PDE8B: variants seen among roughly 807,000 people sequenced by gnomAD.
PDE8B encodes high affinity cAMP-specific and IBMX-insensitive 3',5'-cyclic phosphodiesterase 8B.
Under a neutral mutation model 101.3 loss-of-function variants are expected in PDE8B, and 26 were observed. The ratio of observed to expected loss-of-function variants is 0.26; its 90% CI spans 0.19 to 0.36. PDE8B has a LOEUF of 0.36. PDE8B is among the 10% of genes least tolerant of loss of function. PDE8B has a pLI of 1.00. For missense variants in PDE8B, 810 were observed against 1,163.1 expected, an observed-to-expected ratio of 0.70 and a Z score of 4.42; for synonymous variants, 424 against 429.3, an observed-to-expected ratio of 0.99 and a Z score of 0.15.
In PDE8B at chr5:77,404,781, A is replaced by C; in HGVS notation, c.1272A>C (p.Ser424=). 6.3e-7 allele frequency: 1 copy of C among 1,596,424 alleles called. No homozygotes were observed. Among genetic ancestry groups the C allele is most frequent in the Non-Finnish European group, 8.6e-7 (1 of 1,164,032 alleles). Residue 424 remains serine (S), a synonymous_variant, in exon 12 of 22, where the codon TCA becomes TCC. Coordinates refer to ENST00000264917, the MANE Select transcript of PDE8B (RefSeq NM_003719.5). ...RKESIDVKSI[S]SRGSDAPSLQ... is the part of the protein sequence containing the mutation. Reference sequence around the variant, plus strand: ...AGTCCATTGACGTGAAATCGATATCATCTCGAGGCAGTGATGGTAAGATGT... The same window carrying C: ...AGTCCATTGACGTGAAATCGATATCCTCTCGAGGCAGTGATGGTAAGATGT...
chr5:77,352,407 C>T (rs116277670), intron 9 of PDE8B, among the ~76,000 whole-genome samples: 78 of 152,342 alleles, frequency 5.1e-4, no homozygotes, highest in African/African-American at 1.8e-3. Context: ...CTGGTAATTT[C>T]CAACAGAATA....
chr5:77,105,615 A>T, the PDE8B span: 1 of 152,212 alleles, frequency 6.6e-6, no homozygotes, highest in Non-Finnish European at 1.5e-5. Flanking sequence ...GAACATCTGT[A>T]TACAAGTCTT....
At chr5:77,221,816 C>T (rs1255720049) in intron 1 of PDE8B, among the ~76,000 whole-genome samples, 1 of 152,090 alleles carries the variant, frequency 6.6e-6, no homozygotes, top group Non-Finnish European at 1.5e-5. Flanking sequence ...CTTAGACTGC[C>T]CAGTTTTGAC....
chr5:77,377,621 T>C (rs1786397409), intron 10 of PDE8B, among the ~76,000 whole-genome samples: 1 of 152,228 alleles, frequency 6.6e-6, no homozygotes. Context: ...TCAGATCCTT[T>C]AAAACAGTAA....
At chr5:77,412,870 A>G (rs1374238516) in intron 16 of PDE8B, among the ~76,000 whole-genome samples, 1 of 152,166 alleles carries the variant, frequency 6.6e-6, no homozygotes. Flanking sequence ...TGAGGGGCCT[A>G]TGATTTAGAG....
chr5:77,117,977 T>C, the PDE8B span, among the ~76,000 whole-genome samples: 67,744 of 151,910 alleles, frequency 0.45, 15,513 homozygotes, highest in African/African-American at 0.5. Flanking sequence ...CTCTGTCCCT[T>C]AGGCTGGAGT....
chr5:77,290,760 G>A (rs547206232), intron 1 of PDE8B: 85 of 1,488,980 alleles, frequency 5.7e-5, no homozygotes, highest in Non-Finnish European at 7.1e-5. Context: ...AATCATCACG[G>A]CATTCAATTT....
In PDE8B at chr5:77,411,656, AG is replaced by A. The variant is rs1163356515; in HGVS notation, c.1531-18del. The stretch of plus-strand genomic sequence containing the variant: ...AATAGATATAAAGCATGCTTCTAAC[AG>A]GCTCTTCCTTTATTCCAGGACGGCT... On this transcript the variant is annotated intron_variant, in intron 14 of 21. Coordinates refer to ENST00000264917, the MANE Select transcript of PDE8B (RefSeq NM_003719.5). 1 of 1,595,724 alleles carries A rather than the reference AG, an allele frequency of 6.3e-7. No individual in the cohort carries two copies. Among genetic ancestry groups the A allele is most frequent in the Non-Finnish European group, 8.6e-7 (1 of 1,163,456 alleles).
chr5:77,098,123 T>C, the PDE8B span, among the ~76,000 whole-genome samples: 1 of 152,064 alleles, frequency 6.6e-6, no homozygotes, highest in Non-Finnish European at 1.5e-5. Flanking sequence ...AAGAAACGTA[T>C]GTCAAAATAA....
At chr5:77,330,056 C>T (rs1376109137) in intron 4 of PDE8B, among the ~76,000 whole-genome samples, 1 of 152,200 alleles carries the variant, frequency 6.6e-6, no homozygotes, top group Non-Finnish European at 1.5e-5. Flanking sequence ...ACATTGTCCT[C>T]ACTGGTTCAT....
At chr5:77,334,023 C>T (rs1198592610) in intron 5 of PDE8B, among the ~76,000 whole-genome samples, 1 of 152,238 alleles carries the variant, frequency 6.6e-6, no homozygotes, top group East Asian at 1.9e-4. Context: ...GCACCTACAA[C>T]AGCTCTCCTG....
chr5:77,091,126 T>C, the PDE8B span, among the ~76,000 whole-genome samples: 24 of 152,224 alleles, frequency 1.6e-4, no homozygotes, highest in African/African-American at 5.8e-4. Context: ...TGTGAGGTGA[T>C]GTCATTTTGA....
upstream of PDE8B, chr5:77,210,664 G>A (rs2149368713): frequency 1.0e-6 from 1 of 981,158 alleles, no homozygotes; most frequent in South Asian, 4.7e-5. This position sits in a 1 kb window ranked among gnomAD's most constrained non-coding sequence, Gnocchi z 4.9. Flanking sequence ...GCGGCCGCTG[G>A]TGCGCGCGGG....
chr5:77,171,846 T>C, the PDE8B span, among the ~76,000 whole-genome samples: 1 of 152,206 alleles, frequency 6.6e-6, no homozygotes, highest in Non-Finnish European at 1.5e-5. Flanking sequence ...TTTCATTGGC[T>C]GAACCTGACT....
At chr5:77,391,266 C>G (rs1789845939) in intron 10 of PDE8B, among the ~76,000 whole-genome samples, 1 of 152,188 alleles carries the variant, frequency 6.6e-6, no homozygotes, top group East Asian at 1.9e-4. Flanking sequence ...GAGTCAGCTT[C>G]AGTGAAAACC....
At chr5:77,341,779 A>G (rs1321151741) in intron 6 of PDE8B, among the ~76,000 whole-genome samples, 1 of 152,230 alleles carries the variant, frequency 6.6e-6, no homozygotes, top group African/African-American at 2.4e-5. Context: ...CAAATTTGGT[A>G]GCAGTTTTAA....
intron 10 of PDE8B, among the ~76,000 whole-genome samples, chr5:77,376,157 T>A (rs1255338204): frequency 6.6e-6 from 1 of 152,180 alleles, no homozygotes; most frequent in Non-Finnish European, 1.5e-5. Context: ...TTTCCTAGGA[T>A]TTCTTCACAG....
chr5:77,254,747 C>A (rs2149650307), intron 1 of PDE8B, among the ~76,000 whole-genome samples: 1 of 152,232 alleles, frequency 6.6e-6, no homozygotes, highest in African/African-American at 2.4e-5. Context: ...TTCTTTTGTG[C>A]CTGCTGTTTT....
intron 6 of PDE8B, among the ~76,000 whole-genome samples, chr5:77,343,780 A>G (rs1779640761): frequency 1.3e-5 from 2 of 152,132 alleles, no homozygotes; most frequent in Non-Finnish European, 2.9e-5. Context: ...TTTCTTAATA[A>G]CATTTAGCTT....
Sources: gnomAD v4.1 joint callset for allele counts (sites outside exome capture counted in the v4.1 genomes callset) on GRCh38, gnomAD v4.1.1 for gene constraint, Gnocchi (gnomAD v3.1) non-coding constraint, MANE v1.5 for transcripts, NCBI Gene and HGNC (gene_info 2026-07-23, HGNC 2026-07-21) for gene names.